Variants in ARHGEF3 observed in about 807,000 individuals in gnomAD.
ARHGEF3 encodes the protein Rho guanine nucleotide exchange factor 3, also known as 59.8 kDA protein.
ARHGEF3 carries 28 observed loss-of-function variants against 63.2 expected under a neutral mutation model. The observed-to-expected ratio is 0.44, with a 90% CI of 0.33 to 0.61. The LOEUF is 0.61. Ranked by LOEUF, ARHGEF3 falls within the 20% of genes least tolerant of loss-of-function variation. ARHGEF3 has a pLI of 0.03. For synonymous variants in ARHGEF3, 266 were observed against 254.2 expected, an observed-to-expected ratio of 1.05 and a Z score of -0.44; for missense variants, 533 against 659.3, an observed-to-expected ratio of 0.81 and a Z score of 2.10.
intron 3 of ARHGEF3, chr3:56,882,489 G>C: frequency 7.3e-6 from 4 of 546,556 alleles, no homozygotes; most frequent in Non-Finnish European, 9.7e-6. Context: ...CTTTAACCAA[G>C]CTATGTAAAT....
chr3:57,013,258 G>A lies in ARHGEF3; in HGVS notation c.62+21830C>T, dbSNP rs188237058. Among the ~76,000 whole-genome samples the A allele has an allele frequency of 6.7e-3, 1,025 of 152,348 alleles. 6 individuals are homozygous for A. The highest frequency in any genetic ancestry group is 0.011 in the Non-Finnish European group (743 of 68,034). The stretch of plus-strand genomic sequence containing the variant: ...CAAGGGCTGAGGAGTACAGGCATGC[G>A]GTGTGGGACTGGTAGGCAGCTCAGC... On this transcript the variant is annotated intron_variant, in intron 2 of 12. Transcript: ENST00000338458.
chr3:57,023,466 C>T (rs762371083), intron 2 of ARHGEF3, among the ~76,000 whole-genome samples: 34 of 152,174 alleles, frequency 2.2e-4, no homozygotes, highest in Non-Finnish European at 4.7e-4. Flanking sequence ...CCCACTCTAG[C>T]CAGAGATCTT....
At chr3:56,766,543 G>C (rs1259776809) in intron 2 of ARHGEF3, among the ~76,000 whole-genome samples, 3 of 152,190 alleles carry the variant, frequency 2.0e-5, no homozygotes, top group Admixed American at 6.5e-5. Flanking sequence ...GATAATAATA[G>C]CAAGTACTAA....
chr3:56,953,283 A>G (rs1282393684), intron 3 of ARHGEF3, among the ~76,000 whole-genome samples: 2 of 152,202 alleles, frequency 1.3e-5, no homozygotes, highest in Admixed American at 6.5e-5. Context: ...GCAACTCTCC[A>G]TCTGACCTTC....
chr3:56,895,531 T>C (rs189305028), intron 3 of ARHGEF3, among the ~76,000 whole-genome samples: 133 of 152,130 alleles, frequency 8.7e-4, no homozygotes, highest in Non-Finnish European at 2.4e-4. Flanking sequence ...TGGCGCTATC[T>C]TGGCTCACTG....
At chr3:56,745,675 A>C (rs899213780) in intron 6 of ARHGEF3, among the ~76,000 whole-genome samples, 3 of 151,722 alleles carry the variant, frequency 2.0e-5, no homozygotes, top group Non-Finnish European at 2.9e-5. Context: ...TTCACAAAGC[A>C]ATTTTTTTTT....
chr3:56,966,337 C>A (rs762698313), intron 2 of ARHGEF3, among the ~76,000 whole-genome samples: 2 of 152,216 alleles, frequency 1.3e-5, no homozygotes, highest in Non-Finnish European at 2.9e-5. Context: ...AAGGGCACAG[C>A]CCAACTGTTG....
At chr3:56,957,512 G>A (rs572736572) in intron 3 of ARHGEF3, among the ~76,000 whole-genome samples, 21 of 152,238 alleles carry the variant, frequency 1.4e-4, no homozygotes, top group Non-Finnish European at 3.1e-4. Flanking sequence ...GCTAGGCACT[G>A]TACTAGGCCC....
chr3:57,062,314 G>A (rs913437681), intron 1 of ARHGEF3, among the ~76,000 whole-genome samples: 2 of 152,146 alleles, frequency 1.3e-5, no homozygotes, highest in Non-Finnish European at 2.9e-5. Flanking sequence ...GGATGACCCT[G>A]AGGAAGCCCA....
chr3:56,889,920 A>G (rs2041057580), intron 3 of ARHGEF3, among the ~76,000 whole-genome samples: 1 of 151,980 alleles, frequency 6.6e-6, no homozygotes, highest in Admixed American at 6.6e-5. Context: ...AAATTAGCTG[A>G]GCGTGGTAGC....
intron 2 of ARHGEF3, among the ~76,000 whole-genome samples, chr3:56,965,386 A>G (rs1163898846): frequency 1.3e-5 from 2 of 152,212 alleles, no homozygotes; most frequent in African/African-American, 4.8e-5. Flanking sequence ...AGAAATAGAA[A>G]GCCTGAATAG....
intron 1 of ARHGEF3, among the ~76,000 whole-genome samples, chr3:57,045,983 G>A (rs1236907105): frequency 6.6e-6 from 1 of 152,138 alleles, no homozygotes; most frequent in Non-Finnish European, 1.5e-5. Context: ...AAGGACAAAT[G>A]CTTAAGTACA....
intron 3 of ARHGEF3, among the ~76,000 whole-genome samples, chr3:56,944,571 T>A (rs1699371557): frequency 7.3e-6 from 1 of 136,642 alleles, no homozygotes; most frequent in Non-Finnish European, 1.6e-5. Context: ...GTGGTTTCTT[T>A]TTTTTTTTTT....
chr3:56,942,403 T>C (rs1699233126), intron 3 of ARHGEF3, among the ~76,000 whole-genome samples: 2 of 152,182 alleles, frequency 1.3e-5, no homozygotes, highest in East Asian at 3.8e-4. Context: ...ATCTTTGATG[T>C]TACTATTGTA....
intron 2 of ARHGEF3, among the ~76,000 whole-genome samples, chr3:57,015,234 C>A (rs1359679542): frequency 6.6e-6 from 1 of 152,114 alleles, no homozygotes; most frequent in Non-Finnish European, 1.5e-5. Context: ...TAACACTATA[C>A]CCCGTTTCTA....
Position 56,774,934 on chromosome 3 carries a change from AAAC to A in ARHGEF3, c.97-1121_97-1119del, listed in dbSNP as rs1296608226. ...ACAAACAACAACAACAACAAAAAAAAAACAGGCTATGGGGAAGAGAATGATGAT... is the reference window on the plus strand; with the variant it reads ...ACAAACAACAACAACAACAAAAAAAAAGGCTATGGGGAAGAGAATGATGAT... On this transcript the variant is annotated intron_variant, in intron 1 of 9. Coordinates refer to ENST00000296315, the MANE Select transcript of ARHGEF3 (RefSeq NM_019555.3). The A allele has an allele frequency of 1.4e-5, 18 of 1,273,988 alleles. No individual in the cohort carries two copies. The Admixed American group carries it at 3.9e-4, about 28-fold the overall frequency. 78.9% of individuals were successfully genotyped at this position (1,273,988 alleles called of 1,614,324 possible). A position where few individuals can be genotyped will look rare whatever the true frequency, so the allele number is the denominator to read the frequency against.
chr3:56,826,094 T>C (rs1336845654), intron 4 of ARHGEF3, among the ~76,000 whole-genome samples: 2 of 152,140 alleles, frequency 1.3e-5, no homozygotes, highest in Non-Finnish European at 2.9e-5. Flanking sequence ...TCATTGTTTG[T>C]GGTCATCTTT....
chr3:57,075,482 C>T (rs949993499), intron 1 of ARHGEF3: 1 of 162,262 alleles, frequency 6.2e-6, no homozygotes, highest in African/African-American at 2.4e-5. Context: ...AACAGTCTTG[C>T]CAGTCCTCTT....
intron 6 of ARHGEF3, among the ~76,000 whole-genome samples, chr3:56,750,726 T>C (rs2034688199): frequency 6.6e-6 from 1 of 150,800 alleles, no homozygotes; most frequent in African/African-American, 2.4e-5. Flanking sequence ...TATTGGAGTA[T>C]ATTATGTTAG....
Sources: gnomAD v4.1 joint callset for allele counts (sites outside exome capture counted in the v4.1 genomes callset) on GRCh38, gnomAD v4.1.1 for gene constraint, MANE v1.5 for transcripts, NCBI Gene and HGNC (gene_info 2026-07-23, HGNC 2026-07-21) for gene names.